Variants in SHANK2 observed in about 807,000 individuals in gnomAD.
The protein encoded by SHANK2 is SH3 and multiple ankyrin repeat domains 2, also known as SH3 and multiple ankyrin repeat domains protein 2.
A neutral mutation model predicts 133.7 loss-of-function variants in SHANK2; 43 were observed. The ratio of observed to expected loss-of-function variants is 0.32; its 90% CI spans 0.25 to 0.41. The LOEUF is 0.41. SHANK2 is among the 10% of genes least tolerant of loss of function. The pLI is 1.00. For missense variants in SHANK2, 1,994 were observed against 2,235.8 expected, an observed-to-expected ratio of 0.89 and a Z score of 2.18; for synonymous variants, 1,017 against 952.8, an observed-to-expected ratio of 1.07 and a Z score of -1.24.
At chr11:70,504,855 C>T (rs559134621) in intron 17 of SHANK2, among the ~76,000 whole-genome samples, 3 of 152,218 alleles carry the variant, frequency 2.0e-5, no homozygotes, top group South Asian at 2.1e-4. Context: ...GACAGGCAAC[C>T]GAACACCAGC....
intron 2 of SHANK2, among the ~76,000 whole-genome samples, chr11:71,152,665 T>TC (rs1952820622): frequency 6.6e-6 from 1 of 152,178 alleles, no homozygotes; most frequent in African/African-American, 2.4e-5. Context: ...GCAGAAGGGC[T>TC]CCAGTGCTGG....
chr11:70,558,719 G>A (rs781825693), intron 17 of SHANK2, among the ~76,000 whole-genome samples: 5 of 152,240 alleles, frequency 3.3e-5, no homozygotes, highest in Admixed American at 6.5e-5. Flanking sequence ...TGAGTGAACC[G>A]AAAGAGACAG....
chr11:71,086,772 G>C (rs1270805100), intron 8 of SHANK2, among the ~76,000 whole-genome samples: 1 of 152,050 alleles, frequency 6.6e-6, no homozygotes, highest in Non-Finnish European at 1.5e-5. Context: ...AGGCGGCACT[G>C]TCCGCTGCTC....
At chr11:70,531,788 T>G (rs906341506) in intron 17 of SHANK2, among the ~76,000 whole-genome samples, 4 of 152,182 alleles carry the variant, frequency 2.6e-5, no homozygotes, top group Non-Finnish European at 4.4e-5. Context: ...TCTCCACACC[T>G]GGTCACTTGC....
rs1281527005 is a variant in SHANK2 at position 70,500,749 on chromosome 11, G to C, written c.2288-159C>G. The C allele has an allele frequency of 1.1e-6, 1 of 949,880 alleles. No homozygotes were observed. Among genetic ancestry groups the C allele is most frequent in the South Asian group, 1.4e-5 (1 of 71,832 alleles). The allele number at this position is 949,880 out of a possible 1,614,324, so 58.8% of individuals were successfully genotyped here. A position where few individuals can be genotyped will look rare whatever the true frequency, so the allele number is the denominator to read the frequency against. ...CTGGAACGCTGCGAACGCAGGCTGC[G>C]CTATCCATGGAGTGGCTTTCCCCAA... is the stretch of plus-strand genomic sequence containing the variant. On this transcript the variant is annotated intron_variant, in intron 20 of 25. Coordinates refer to ENST00000601538, the MANE Select transcript of SHANK2 (RefSeq NM_012309.5). The surrounding 1 kb of genome is among the most constrained non-coding windows in gnomAD (Gnocchi z 4.5).
In SHANK2 at chr11:70,904,797, C is replaced by T. The variant is rs541635143; in HGVS notation, c.1108-8230G>A. ...TGCTGGGAGTACAGGCATGAGCCAT[C>T]GTGCCCAGTCAATCCGATCGTTTTA... On this transcript the variant is annotated intron_variant, in intron 10 of 25. Coordinates refer to ENST00000601538, the MANE Select transcript of SHANK2 (RefSeq NM_012309.5). Among the ~76,000 whole-genome samples the T allele has an allele frequency of 4.6e-5, 7 of 152,220 alleles. No individual in the cohort carries two copies. In the East Asian group the frequency reaches 5.8e-4, roughly 13 times the overall value.
intron 10 of SHANK2, among the ~76,000 whole-genome samples, chr11:70,910,482 C>T (rs1156467012): frequency 5.9e-5 from 9 of 152,094 alleles, no homozygotes; most frequent in Non-Finnish European, 1.2e-4. Flanking sequence ...CCCCATGATT[C>T]GGTTATGAAA....
intron 14 of SHANK2, among the ~76,000 whole-genome samples, chr11:70,757,283 G>A (rs1415937692): frequency 6.6e-6 from 1 of 152,180 alleles, no homozygotes. Flanking sequence ...ACACTCTCTA[G>A]CCTCGGTTTC....
chr11:70,925,418 A>C (rs1049963301), intron 10 of SHANK2, among the ~76,000 whole-genome samples: 8 of 152,182 alleles, frequency 5.3e-5, no homozygotes, highest in Non-Finnish European at 1.0e-4. Context: ...ATAAGGAAAC[A>C]GCATGTTCAC....
intron 16 of SHANK2, among the ~76,000 whole-genome samples, chr11:70,661,319 A>G (rs1481624836): frequency 6.6e-6 from 1 of 152,188 alleles, no homozygotes; most frequent in African/African-American, 2.4e-5. Context: ...GGAGGGAGAG[A>G]GAACCCATTC....
chr11:70,863,612 T>C, intron 11 of SHANK2: 1 of 445,850 alleles, frequency 2.2e-6, no homozygotes, highest in Non-Finnish European at 4.5e-6. Flanking sequence ...GGAGCTTTGC[T>C]AGGCCTGGTG....
At chr11:71,085,530 ATAT>A (rs1400003725) in intron 8 of SHANK2, among the ~76,000 whole-genome samples, 1 of 108,502 alleles carries the variant, frequency 9.2e-6, no homozygotes, top group African/African-American at 3.6e-5. Flanking sequence ...GCTATATATT[ATAT>A]TATATAAAAT....
chr11:70,789,264 G>C (rs930835957), intron 14 of SHANK2, among the ~76,000 whole-genome samples: 1 of 152,304 alleles, frequency 6.6e-6, no homozygotes, highest in East Asian at 1.9e-4. Flanking sequence ...ATGAGGTCCT[G>C]TCTCTTCTCC....
At chr11:70,538,078 C>T (rs551216951) in intron 17 of SHANK2, among the ~76,000 whole-genome samples, 13 of 152,312 alleles carry the variant, frequency 8.5e-5, no homozygotes, top group African/African-American at 2.4e-4. Flanking sequence ...AGCACACCCA[C>T]GGGGCAGTAG....
At chr11:70,776,029 A>G (rs1274603725) in intron 14 of SHANK2, among the ~76,000 whole-genome samples, 1 of 152,232 alleles carries the variant, frequency 6.6e-6, no homozygotes, top group African/African-American at 2.4e-5. Flanking sequence ...TGCCCCAGCT[A>G]GAAGGGGGCT....
chr11:70,652,525 C>G (rs1001892595), intron 17 of SHANK2, among the ~76,000 whole-genome samples: 2 of 151,938 alleles, frequency 1.3e-5, no homozygotes, highest in Admixed American at 6.6e-5. Flanking sequence ...CAAATACTGA[C>G]TGAGGCCGGG....
intron 17 of SHANK2, among the ~76,000 whole-genome samples, chr11:70,652,472 A>T (rs566896194): frequency 1.4e-4 from 22 of 152,264 alleles, no homozygotes; most frequent in African/African-American, 5.1e-4. Flanking sequence ...CTTCTGAGTC[A>T]GGCATCATTA....
chr11:71,220,910 G>A lies in SHANK2; in HGVS notation c.-13+3787C>T, dbSNP rs117981682. ...CACTGAATGGCACACTTTAAAAATCGTGAAGATGGGCCAGGCACGGTGGCT... is the reference window on the plus strand; with the variant it reads ...CACTGAATGGCACACTTTAAAAATCATGAAGATGGGCCAGGCACGGTGGCT... On this transcript the variant is annotated intron_variant, in intron 2 of 25. Transcript: ENST00000601538. Among the ~76,000 whole-genome samples the A allele has an allele frequency of 6.1e-3, 921 of 152,222 alleles. 18 individuals carry two copies. The East Asian group carries it at 0.067, about 11-fold the overall frequency.
chr11:71,151,068 C>T (rs1952787667), intron 2 of SHANK2, among the ~76,000 whole-genome samples: 1 of 152,232 alleles, frequency 6.6e-6, no homozygotes, highest in Non-Finnish European at 1.5e-5. Flanking sequence ...TTCACCCAGC[C>T]CCACCTCACT....
Sources: allele counts gnomAD v4.1 joint callset (sites outside exome capture counted in the v4.1 genomes callset), GRCh38; gene constraint gnomAD v4.1.1; non-coding constraint Gnocchi (gnomAD v3.1); transcripts MANE v1.5; gene names NCBI Gene and HGNC (gene_info 2026-07-23, HGNC 2026-07-21).